Variants in GALNT7 observed in about 807,000 individuals in gnomAD.
GALNT7 encodes the protein polypeptide N-acetylgalactosaminyltransferase 7.
GALNT7 carries 60 observed loss-of-function variants against 82.1 expected under a neutral mutation model. The observed-to-expected ratio is 0.73, with a 90% confidence interval of 0.59 to 0.91. The LOEUF is 0.91. GALNT7 is among the 40% of genes least tolerant of loss of function. The pLI is 0.00. For missense variants in GALNT7, 660 were observed against 804.2 expected (o/e 0.82, Z 2.17); for synonymous variants, 243 against 275.1 (o/e 0.88, Z 1.15).
At chr4:173,170,032 C>G (rs1473651841) in intron 1 of GALNT7, among the ~76,000 whole-genome samples, 1 of 152,080 alleles carries the variant, frequency 6.6e-6, no homozygotes, top group Non-Finnish European at 1.5e-5. Flanking sequence ...CATTAGTTAC[C>G]CGGAGCCGCG....
intron 1 of GALNT7, among the ~76,000 whole-genome samples, chr4:173,203,097 G>A (rs1732992820): frequency 6.6e-6 from 1 of 151,534 alleles, no homozygotes; most frequent in Non-Finnish European, 1.5e-5. Context: ...GCAATAGTTA[G>A]GTCTTGTTTT....
intron 1 of GALNT7, among the ~76,000 whole-genome samples, chr4:173,245,106 G>A (rs1207329731): frequency 1.3e-5 from 2 of 151,770 alleles, no homozygotes; most frequent in East Asian, 3.9e-4. Context: ...TGGTCACTGA[G>A]CTTGGAAGAG....
intron 1 of GALNT7, among the ~76,000 whole-genome samples, chr4:173,245,041 T>C (rs1388008897): frequency 6.6e-6 from 1 of 151,876 alleles, no homozygotes; most frequent in Admixed American, 6.6e-5. Flanking sequence ...AGGTTTTGAG[T>C]TCAGAAAGGT....
rs1232975095 is a variant in GALNT7, at chr4:173,271,296, G to A, written c.588-20812G>A. 2.0e-5 allele frequency among the ~76,000 whole-genome samples: 3 copies of A among 152,098 alleles called. 1 individual carries two copies. Among genetic ancestry groups the A allele is most frequent in the Non-Finnish European group, 4.4e-5 (3 of 68,012 alleles). On this transcript the variant is annotated intron_variant, in intron 2 of 11. Transcript: ENST00000265000. ...TGCCAGAGTAATGTTCCATTCACTTGTAGTTGTCTTAAGTAGCAACTTTAA... is the reference window on the plus strand; with the variant it reads ...TGCCAGAGTAATGTTCCATTCACTTATAGTTGTCTTAAGTAGCAACTTTAA...
At chr4:173,236,357 C>T (rs981470597) in intron 1 of GALNT7, among the ~76,000 whole-genome samples, 8 of 152,158 alleles carry the variant, frequency 5.3e-5, no homozygotes, top group Non-Finnish European at 1.2e-4. Flanking sequence ...GCCCTGTTGA[C>T]CACTCCTGCC....
chr4:173,176,775 T>C (rs111976342), intron 1 of GALNT7, among the ~76,000 whole-genome samples: 15 of 151,786 alleles, frequency 9.9e-5, no homozygotes, highest in East Asian at 5.8e-4. Flanking sequence ...TGGCTGAAAA[T>C]TGGGTTGGAG....
chr4:173,248,483 G>T (rs762506635), intron 2 of GALNT7, 43 bp downstream of exon 2: 19 of 1,175,604 alleles, frequency 1.6e-5, no homozygotes, highest in Non-Finnish European at 2.3e-5. Context: ...GGCAACTGTT[G>T]TTTTCATAGG....
At chr4:173,187,179 T>C (rs957039842) in intron 1 of GALNT7, among the ~76,000 whole-genome samples, 10 of 152,216 alleles carry the variant, frequency 6.6e-5, no homozygotes, top group African/African-American at 2.4e-4. Context: ...CAAAGATAAT[T>C]ATCATTAGCT....
chr4:173,203,251 G>A (rs756734082), intron 1 of GALNT7, among the ~76,000 whole-genome samples: 2 of 151,976 alleles, frequency 1.3e-5, no homozygotes, highest in Non-Finnish European at 2.9e-5. Flanking sequence ...CCGCCACCAC[G>A]CCCAGCTAAT....
chr4:173,180,447 C>T (rs572548468), intron 1 of GALNT7, among the ~76,000 whole-genome samples: 4 of 151,556 alleles, frequency 2.6e-5, no homozygotes, highest in Non-Finnish European at 5.9e-5. Flanking sequence ...CCTGCCTCAG[C>T]CTCCTGAGTA....
chr4:173,212,798 G>A (rs1252015235), intron 1 of GALNT7, among the ~76,000 whole-genome samples: 1 of 152,136 alleles, frequency 6.6e-6, no homozygotes, highest in Non-Finnish European at 1.5e-5. Context: ...CAGTGCTTCA[G>A]AGTTCCATGT....
Position 173,321,564 on chromosome 4 carries a change from T to A in GALNT7, c.1837-16T>A, listed in dbSNP as rs1561204892. The A allele has an allele frequency of 6.2e-7, 1 of 1,604,656 alleles. No homozygotes were observed. Among genetic ancestry groups the A allele is most frequent in the South Asian group, 1.1e-5 (1 of 90,502 alleles). ...AGGGTCCAAATTTGAAACTTTTTTC[T>A]TACTGTGTTTTCCAGAACCTGCACA... is the stretch of plus-strand genomic sequence containing the variant. On this transcript the variant is annotated splice_polypyrimidine_tract_variant and intron_variant, in intron 11 of 11. Coordinates refer to ENST00000265000, the MANE Select transcript of GALNT7 (RefSeq NM_017423.3).
At chr4:173,225,046 A>AATAATT (rs1245000956) in intron 1 of GALNT7, among the ~76,000 whole-genome samples, 5 of 84,860 alleles carry the variant, frequency 5.9e-5, no homozygotes, top group African/African-American at 1.7e-4. Context: ...TAATAATAAT[A>AATAATT]ATAATTATAA....
rs183614031 is a variant in GALNT7 at position 173,184,132 on chromosome 4, G to A, written c.126+15171G>A. Among the ~76,000 whole-genome samples, 1,358 of 151,720 alleles carry A rather than the reference G, an allele frequency of 9.0e-3. 18 individuals carry two copies. The highest frequency in any genetic ancestry group is 0.031 in the African/African-American group (1,293 of 41,298). On this transcript the variant is annotated intron_variant, in intron 1 of 11. Coordinates refer to ENST00000265000, the MANE Select transcript of GALNT7 (RefSeq NM_017423.3). Reference sequence around the variant, plus strand: ...TTCCCAGACTGGGCGGCGGGGCAGAGGGGCTCCTCACATCCCAGACGATGG... The same window carrying A: ...TTCCCAGACTGGGCGGCGGGGCAGAAGGGCTCCTCACATCCCAGACGATGG...
chr4:173,216,727 A>ATATTTTTTATT (rs71244915), intron 1 of GALNT7, among the ~76,000 whole-genome samples: 1 of 12,982 alleles, frequency 7.7e-5, no homozygotes, highest in Non-Finnish European at 1.4e-4. Flanking sequence ...ATATATATAT[A>ATATTTTTTATT]TTTTTTTTTT....
In GALNT7 at chr4:173,251,003, G is replaced by A. The variant is rs114667297; in HGVS notation, c.587+2563G>A. The stretch of plus-strand genomic sequence containing the variant: ...ACTTCTCTTTAGCCATTTTCTTCAT[G>A]GTATCTATCAAATTTTATAATTAGA... On this transcript the variant is annotated intron_variant, in intron 2 of 11. Coordinates refer to ENST00000265000, the MANE Select transcript of GALNT7 (RefSeq NM_017423.3). 5.2e-3 allele frequency among the ~76,000 whole-genome samples: 797 copies of A among 152,148 alleles called. 9 individuals are homozygous for A. Among genetic ancestry groups the A allele is most frequent in the African/African-American group, 0.019 (769 of 41,504 alleles).
In GALNT7 at chr4:173,236,604, T is replaced by A. The variant is rs189680636; in HGVS notation, c.127-11376T>A. ...TCTCAAGTTTCATCTCCTGCCCTTC[T>A]GTTATAGCAAATGATTTGGCATTCT... On this transcript the variant is annotated intron_variant, in intron 1 of 11. Coordinates refer to ENST00000265000, the MANE Select transcript of GALNT7 (RefSeq NM_017423.3). Among the ~76,000 whole-genome samples, 308 of 152,316 alleles carry A rather than the reference T, an allele frequency of 2.0e-3. 1 individual carries two copies. Among genetic ancestry groups the A allele is most frequent in the African/African-American group, 7.1e-3 (296 of 41,576 alleles).
intron 8 of GALNT7, among the ~76,000 whole-genome samples, chr4:173,309,608 G>A (rs1453207905): frequency 6.6e-6 from 1 of 152,188 alleles, no homozygotes; most frequent in Non-Finnish European, 1.5e-5. Flanking sequence ...TAAGTTCTAA[G>A]AGGCATGCAA....
At chr4:173,270,649 G>T (rs1433886074) in intron 2 of GALNT7, among the ~76,000 whole-genome samples, 3 of 152,116 alleles carry the variant, frequency 2.0e-5, no homozygotes, top group Admixed American at 1.3e-4. Context: ...TTAAAGTGGT[G>T]ATAATTAAAC....
Sources: allele counts gnomAD v4.1 joint callset (sites outside exome capture counted in the v4.1 genomes callset), GRCh38; gene constraint gnomAD v4.1.1; transcripts MANE v1.5; gene names NCBI Gene and HGNC (gene_info 2026-07-23, HGNC 2026-07-21).